The following GOLGA8A variants were observed in gnomAD, a reference collection of about 807,000 sequenced individuals.
GOLGA8A encodes golgin subfamily A member 8A.
GOLGA8A carries 3 observed loss-of-function variants against 22.1 expected under a neutral mutation model. The observed-to-expected ratio is 0.14, with a 90% confidence interval of 0.06 to 0.35. The LOEUF (loss-of-function observed/expected upper bound fraction) is 0.35, where lower values mean the gene tolerates loss of function less well. Ranked by LOEUF, GOLGA8A falls within the 10% of genes least tolerant of loss-of-function variation. The pLI is 1.00. For missense variants in GOLGA8A, 16 were observed against 233.2 expected (o/e 0.07, Z 6.07); for synonymous variants, 7 against 91.7 (o/e 0.08, Z 5.28).
chr15:34,420,408 C>T (rs74323336), intron 2 of GOLGA8A: 1 of 147,982 alleles, frequency 6.8e-6, no homozygotes, highest in African/African-American at 2.5e-5. Flanking sequence ...AACCTCTTAT[C>T]CAGACCCGGA....
chr15:34,425,809 T>G (rs540905958), intron 2 of GOLGA8A, among the ~76,000 whole-genome samples: 1 of 146,432 alleles, frequency 6.8e-6, no homozygotes, highest in South Asian at 2.3e-4. Context: ...AAATTCAAAT[T>G]AGTAGTAAGC....
chr15:34,425,691 G>C (rs1196409514), intron 2 of GOLGA8A, among the ~76,000 whole-genome samples: 1 of 145,628 alleles, frequency 6.9e-6, no homozygotes, highest in Non-Finnish European at 1.5e-5. Context: ...AATATATATA[G>C]AAAATGAGGA....
chr15:34,387,147 C>CCTGATGGGAAGTGG (rs2140214790), intron 11 of GOLGA8A: 1 of 528,418 alleles, frequency 1.9e-6, no homozygotes, highest in East Asian at 5.2e-5. Flanking sequence ...TGCAGTGACT[C>CCTGATGGGAAGTGG]CTGATGGGAA....
chr15:34,425,503 G>T (rs1892948524), intron 2 of GOLGA8A, among the ~76,000 whole-genome samples: 1 of 145,480 alleles, frequency 6.9e-6, no homozygotes, highest in South Asian at 2.4e-4. Context: ...GAATATGCAG[G>T]AGGGTGGTTA....
intron 8 of GOLGA8A, among the ~76,000 whole-genome samples, chr15:34,398,410 TA>T (rs1475447507): frequency 7.9e-6 from 1 of 126,310 alleles, no homozygotes; most frequent in Admixed American, 7.7e-5. Context: ...TAATAAAAAG[TA>T]AAAAAAAGAC....
At chr15:34,417,756 A>G (rs1310813206) in intron 2 of GOLGA8A, 3 of 147,130 alleles carry the variant, frequency 2.0e-5, no homozygotes, top group African/African-American at 7.5e-5. Context: ...TGACTTGGGA[A>G]GCTTACATGT....
intron 2 of GOLGA8A, among the ~76,000 whole-genome samples, chr15:34,429,189 G>C (rs1474293064): frequency 1.4e-5 from 2 of 147,496 alleles, no homozygotes; most frequent in African/African-American, 5.0e-5. Flanking sequence ...CCCATGCTCT[G>C]AACTGTCCAC....
intron 2 of GOLGA8A, chr15:34,416,385 T>C (rs1191195629): frequency 1.4e-5 from 2 of 147,264 alleles, no homozygotes; most frequent in Admixed American, 7.0e-5. Flanking sequence ...TCTTAGTTTA[T>C]TTTGGTCTTA....
At chr15:34,418,114 G>A (rs1170375685) in intron 2 of GOLGA8A, 1 of 88,524 alleles carries the variant, frequency 1.1e-5, no homozygotes, top group African/African-American at 4.1e-5. Context: ...GTTAGTTGTA[G>A]TAACTGTAGA....
At chr15:34,433,998 G>T (rs1429227751) in intron 2 of GOLGA8A, among the ~76,000 whole-genome samples, 1 of 149,156 alleles carries the variant, frequency 6.7e-6, no homozygotes, top group Non-Finnish European at 1.5e-5. Flanking sequence ...AGGTGCAAAG[G>T]CCTGGAGGCA....
intron 2 of GOLGA8A, among the ~76,000 whole-genome samples, chr15:34,423,529 C>T (rs1892863663): frequency 6.7e-6 from 1 of 148,564 alleles, no homozygotes; most frequent in South Asian, 2.2e-4. Flanking sequence ...CTAGCAGTAG[C>T]CACTCCCTAC....
chr15:34,379,505 T>C lies in GOLGA8A; in HGVS notation c.*1906A>G, dbSNP rs190954383. 1 of 152,778 alleles carries C rather than the reference T, an allele frequency of 6.5e-6. No homozygotes were observed. Among genetic ancestry groups the C allele is most frequent in the East Asian group, 1.9e-4 (1 of 5,196 alleles). 9.5% of individuals were successfully genotyped at this position (152,778 alleles called of 1,614,324 possible). On this transcript the variant is annotated 3_prime_UTR_variant, in exon 25 of 25. Coordinates refer to ENST00000359187, the MANE Select transcript of GOLGA8A (RefSeq NM_181077.5). ...TAATACATTGATAAATTCATACAAT[T>C]TGGAAGAGTCAGTTGAAGTTACAAG...
In GOLGA8A at chr15:34,417,690, T is replaced by C. The variant is rs1010835616; in HGVS notation, c.-1122-9955A>G. 1.1e-4 allele frequency: 16 copies of C among 147,104 alleles called. 1 individual carries two copies. The highest frequency in any genetic ancestry group is 4.0e-4 in the African/African-American group (16 of 40,090). The allele number at this position is 147,104 out of a possible 1,614,324, so 9.1% of individuals were successfully genotyped here. ...CTTTTATATTAAATAAGATTATAGT[T>C]TTGTTTCCTTCCTTCTAGGCTCTTA... On this transcript the variant is annotated intron_variant, in intron 2 of 24. Transcript: ENST00000359187.
chr15:34,400,622 GT>G (rs1265512078), intron 6 of GOLGA8A, 89 bp downstream of exon 6: 1 of 117,750 alleles, frequency 8.5e-6, no homozygotes, highest in Admixed American at 8.9e-5. Context: ...TTTGTGTTTT[GT>G]TTTTTTTGTT....
intron 2 of GOLGA8A, among the ~76,000 whole-genome samples, chr15:34,434,480 G>A (rs550515569): frequency 6.7e-6 from 1 of 149,384 alleles, no homozygotes; most frequent in African/African-American, 2.5e-5. Context: ...GACAGGGAGA[G>A]AGGGGAGGAT....
In GOLGA8A at chr15:34,381,301, TGAG is replaced by T. The variant is rs1891477381; in HGVS notation, c.*107_*109del. ...TATAAATTAGAAACACAAATAATCA[TGAG>T]TAGCTCTAACATTCAAATGAAGTAA... On this transcript the variant is annotated 3_prime_UTR_variant, in exon 25 of 25. Transcript: ENST00000359187. 9.6e-7 allele frequency: 1 copy of T among 1,039,822 alleles called. No homozygotes were observed. Among genetic ancestry groups the T allele is most frequent in the Admixed American group, 2.0e-5 (1 of 49,394 alleles). 64.4% of individuals were successfully genotyped at this position (1,039,822 alleles called of 1,614,324 possible). A position where few individuals can be genotyped will look rare whatever the true frequency, so the allele number is the denominator to read the frequency against.
At chr15:34,412,966 C>G (rs1892491847) in intron 2 of GOLGA8A, among the ~76,000 whole-genome samples, 2 of 60,914 alleles carry the variant, frequency 3.3e-5, no homozygotes, top group African/African-American at 8.2e-5. Context: ...TTCCACTTCT[C>G]TGAGGCACCC....
chr15:34,383,697 TTGTTG>T, intron 18 of GOLGA8A, 44 bp downstream of exon 18: 1 of 150,116 alleles, frequency 6.7e-6, no homozygotes, highest in Non-Finnish European at 1.2e-5. Flanking sequence ...CTATCTTAAG[TTGTTG>T]GTGGGGGGGG....
At chr15:34,400,892 C>T (rs1892036859) in intron 5 of GOLGA8A, 133 bp from the exon 6 acceptor site, 2 of 86,520 alleles carry the variant, frequency 2.3e-5, no homozygotes, top group East Asian at 6.4e-4. Context: ...CTACTACCAT[C>T]CTTAGAGTAA....
Sources: gnomAD v4.1 joint callset for allele counts (sites outside exome capture counted in the v4.1 genomes callset) on GRCh38, gnomAD v4.1.1 for gene constraint, MANE v1.5 for transcripts, NCBI Gene and HGNC (gene_info 2026-07-23, HGNC 2026-07-21) for gene names.